The following WDPCP variants were observed in gnomAD, a reference collection of about 807,000 sequenced individuals.
WDPCP encodes WD repeat-containing and planar cell polarity effector protein fritz homolog.
WDPCP carries 71 observed loss-of-function variants against 93.1 expected under a neutral mutation model. That is an observed-to-expected ratio of 0.76 (90% CI 0.63 to 0.93). The LOEUF is 0.93. Ranked by LOEUF, WDPCP falls within the 40% of genes least tolerant of loss-of-function variation. WDPCP has a pLI of 0.00. For synonymous variants in WDPCP, 315 were observed against 315.0 expected, an observed-to-expected ratio of 1.00 and a Z score of 0.00; for missense variants, 844 against 887.4, an observed-to-expected ratio of 0.95 and a Z score of 0.62.
chr2:63,745,461 A>C (rs1424796139), intron 2 of WDPCP, among the ~76,000 whole-genome samples: 1 of 152,188 alleles, frequency 6.6e-6, no homozygotes, highest in African/African-American at 2.4e-5. Flanking sequence ...ATTTAAAAAC[A>C]TATGTATTTA....
At chr2:63,183,904 G>C (rs1380643549) in intron 14 of WDPCP, among the ~76,000 whole-genome samples, 1 of 151,638 alleles carries the variant, frequency 6.6e-6, no homozygotes, top group African/African-American at 2.4e-5. Context: ...TACTTTTGTT[G>C]ATTAAAAGTC....
intron 4 of WDPCP, among the ~76,000 whole-genome samples, chr2:63,486,090 G>A (rs1050706585): frequency 2.0e-5 from 3 of 151,592 alleles, no homozygotes; most frequent in Non-Finnish European, 4.4e-5. Context: ...CATTAAAACC[G>A]TATTACATTG....
intron 2 of WDPCP, among the ~76,000 whole-genome samples, chr2:63,706,053 G>A (rs1558889413): frequency 6.6e-6 from 1 of 152,088 alleles, no homozygotes; most frequent in Non-Finnish European, 1.5e-5. Context: ...ATTATGTAAT[G>A]GCCTTCTTTG....
At chr2:63,549,135 G>A (rs1193979386) in intron 1 of WDPCP, among the ~76,000 whole-genome samples, 4 of 150,482 alleles carry the variant, frequency 2.7e-5, no homozygotes, top group Admixed American at 6.6e-5. Flanking sequence ...TGTAATCCCA[G>A]CTACTCAGGA....
At chr2:63,717,500 G>T in intron 2 of WDPCP, 1 of 435,656 alleles carries the variant, frequency 2.3e-6, no homozygotes, top group South Asian at 1.8e-5. Flanking sequence ...GAGCATTTAA[G>T]AGAATACATC....
chr2:63,505,655 G>A (rs1222918237), intron 1 of WDPCP, among the ~76,000 whole-genome samples: 2 of 151,982 alleles, frequency 1.3e-5, no homozygotes, highest in African/African-American at 4.8e-5. Flanking sequence ...CAATAAATGT[G>A]CTTCTCTTTC....
chr2:63,702,048 G>A (rs1669061278), intron 2 of WDPCP, among the ~76,000 whole-genome samples: 1 of 151,938 alleles, frequency 6.6e-6, no homozygotes, highest in Admixed American at 6.6e-5. Flanking sequence ...TTCTTGAGAT[G>A]GAGTTTCGCT....
chr2:63,462,626 G>T (rs1575467195), intron 6 of WDPCP, among the ~76,000 whole-genome samples: 1 of 152,154 alleles, frequency 6.6e-6, no homozygotes, highest in Non-Finnish European at 1.5e-5. Context: ...AGAGAGAGAA[G>T]TGAGGAGGTT....
chr2:63,408,246 C>T (rs1237503491), intron 9 of WDPCP, among the ~76,000 whole-genome samples: 1 of 152,122 alleles, frequency 6.6e-6, no homozygotes, highest in African/African-American at 2.4e-5. Context: ...AGGAGACACC[C>T]CAAATACTGT....
chr2:63,515,185 C>T lies in WDPCP; in HGVS notation c.76-22245G>A, dbSNP rs115163235. Among the ~76,000 whole-genome samples, 602 of 152,210 alleles carry T rather than the reference C, an allele frequency of 4.0e-3. 6 individuals are homozygous for T. Among genetic ancestry groups the T allele is most frequent in the African/African-American group, 0.014 (563 of 41,504 alleles). The stretch of plus-strand genomic sequence containing the variant: ...TATAAATTAAAAGCTTTACAGTAAG[C>T]TATACCAGAGGAGTATTAATTTCTT... On this transcript the variant is annotated intron_variant, in intron 1 of 17. Transcript: ENST00000272321.
intron 3 of WDPCP, among the ~76,000 whole-genome samples, chr2:63,649,462 GATTTTTTCCCACCTGTTGGT>G (rs1355222999): frequency 1.3e-5 from 2 of 152,174 alleles, no homozygotes; most frequent in Non-Finnish European, 1.5e-5. Context: ...TAGTCACTTA[GATTTTTTCCCACCTGTTGGT>G]TATTGTGAAT....
In WDPCP at chr2:63,364,699, G is replaced by T. The variant is rs527672194; in HGVS notation, c.1748+13687C>A. ...CTCACAATAAAACTCTCAACAGAGTGCTAGGACCTATGAAGTCATTTCAAT... is the reference window on the plus strand; with the variant it reads ...CTCACAATAAAACTCTCAACAGAGTTCTAGGACCTATGAAGTCATTTCAAT... On this transcript the variant is annotated intron_variant, in intron 12 of 17. Coordinates refer to ENST00000272321, the MANE Select transcript of WDPCP (RefSeq NM_015910.7). Among the ~76,000 whole-genome samples, 12 of 152,280 alleles carry T rather than the reference G, an allele frequency of 7.9e-5. No individual in the cohort carries two copies. In the South Asian group the frequency reaches 2.5e-3, roughly 32 times the overall value.
chr2:63,770,900 T>C (rs1670215654), intron 2 of WDPCP, among the ~76,000 whole-genome samples: 1 of 151,928 alleles, frequency 6.6e-6, no homozygotes, highest in Admixed American at 6.6e-5. Context: ...CAATTTCTTG[T>C]TTTAAAAAAA....
chr2:63,767,615 C>A (rs1007349082), intron 2 of WDPCP, among the ~76,000 whole-genome samples: 2 of 151,916 alleles, frequency 1.3e-5, no homozygotes, highest in African/African-American at 2.4e-5. Flanking sequence ...TTTTTATGTG[C>A]TTATTTGCCA....
intron 17 of WDPCP, among the ~76,000 whole-genome samples, chr2:63,124,971 G>A (rs1669797233): frequency 6.6e-6 from 1 of 151,898 alleles, no homozygotes; most frequent in African/African-American, 2.4e-5. Context: ...CTCATTTAAG[G>A]CTTTTGCTTA....
intron 14 of WDPCP, among the ~76,000 whole-genome samples, chr2:63,175,872 T>C (rs1673763052): frequency 6.6e-6 from 1 of 152,188 alleles, no homozygotes; most frequent in Non-Finnish European, 1.5e-5. Flanking sequence ...TTGGCTATTG[T>C]GAATAATGCT....
chr2:63,559,411 A>G (rs1264602871), intron 1 of WDPCP, among the ~76,000 whole-genome samples: 1 of 152,214 alleles, frequency 6.6e-6, no homozygotes, highest in African/African-American at 2.4e-5. Flanking sequence ...TAGTATTGGA[A>G]TTTCTGGCCA....
At chr2:63,789,176 T>A (rs1158539928) in intron 2 of WDPCP, among the ~76,000 whole-genome samples, 1 of 152,212 alleles carries the variant, frequency 6.6e-6, no homozygotes, top group African/African-American at 2.4e-5. Flanking sequence ...GCCAGATAAG[T>A]CAATAAAAAC....
chr2:63,762,816 A>T (rs532244691), intron 2 of WDPCP, among the ~76,000 whole-genome samples: 31 of 152,296 alleles, frequency 2.0e-4, no homozygotes, highest in African/African-American at 7.2e-4. Context: ...GCTCCACCCC[A>T]CCTCTCAATA....
Sources: allele counts gnomAD v4.1 joint callset (sites outside exome capture counted in the v4.1 genomes callset), GRCh38; gene constraint gnomAD v4.1.1; transcripts MANE v1.5; gene names NCBI Gene and HGNC (gene_info 2026-07-23, HGNC 2026-07-21).